MIB1: variants seen among roughly 807,000 people sequenced by gnomAD.
MIB1 encodes MIB E3 ubiquitin protein ligase 1, also known as E3 ubiquitin-protein ligase MIB1.
MIB1 carries 278 observed loss-of-function variants against 124.5 expected under a neutral mutation model. That is an observed-to-expected ratio of 2.23 (90% confidence interval 2.02 to 2.47). The LOEUF is 2.47. Among genes scored for constraint, MIB1 ranks in the 30% most tolerant of loss-of-function variants. The pLI is 0.00. For synonymous variants in MIB1, 446 were observed against 429.4 expected (o/e 1.04, Z -0.48); for missense variants, 957 against 1,254.4 (o/e 0.76, Z 3.58).
rs140502736 is a variant in MIB1 at position 21,795,737 on chromosome 18, C to G, written c.1093-2347C>G. ...AAAATTCCAAGTAATTTTTTAAACA[C>G]AGTTAATTTTTCTTTATATCTTCAT... is the stretch of plus-strand genomic sequence containing the variant. On this transcript the variant is annotated intron_variant, in intron 7 of 20. Coordinates refer to ENST00000261537, the MANE Select transcript of MIB1 (RefSeq NM_020774.4). 8.7e-3 allele frequency among the ~76,000 whole-genome samples: 1,330 copies of G among 152,160 alleles called. 11 individuals are homozygous for G. Among genetic ancestry groups the G allele is most frequent in the Non-Finnish European group, 0.014 (922 of 68,002 alleles).
intron 1 of MIB1, among the ~76,000 whole-genome samples, chr18:21,708,700 G>A (rs932373558): frequency 6.6e-6 from 1 of 152,130 alleles, no homozygotes; most frequent in Non-Finnish European, 1.5e-5. Context: ...ATTTATACAT[G>A]AGGAAATGAG....
rs1277651294 is a variant in MIB1 at position 21,854,011 on chromosome 18, TTAAAAAAAAAAA to T, written c.2665+794_2665+805del. ...CTAGGCAACAGACTGAGACTCAGTCTTAAAAAAAAAAAAAAAAAAAAAAAAATTCCAATAGGC... is the reference window on the plus strand; with the variant it reads ...CTAGGCAACAGACTGAGACTCAGTCTAAAAAAAAAAAAAATTCCAATAGGC... On this transcript the variant is annotated intron_variant, in intron 18 of 20. Transcript: ENST00000261537. Among the ~76,000 whole-genome samples, 5 of 42,346 alleles carry T rather than the reference TTAAAAAAAAAAA, an allele frequency of 1.2e-4. No homozygotes were observed. The East Asian group carries it at 4.2e-3, about 35-fold the overall frequency. 27.8% of individuals were successfully genotyped at this position (42,346 alleles called of 152,430 possible). A position where few individuals can be genotyped will look rare whatever the true frequency, so the allele number is the denominator to read the frequency against.
intron 1 of MIB1, among the ~76,000 whole-genome samples, chr18:21,731,627 G>T (rs904535697): frequency 4.6e-5 from 7 of 151,614 alleles, no homozygotes; most frequent in Non-Finnish European, 7.4e-5. Context: ...AGCTACTCGG[G>T]AGGCTGAGGC....
chr18:21,790,811 A>T (rs566599225), intron 6 of MIB1, among the ~76,000 whole-genome samples: 1 of 152,360 alleles, frequency 6.6e-6, no homozygotes, highest in African/African-American at 2.4e-5. Context: ...TTTTGAAAAC[A>T]TGCAGGGGAG....
At position 21,844,114 on chromosome 18, in the gene MIB1, A is replaced by C. The variant is rs766592260; in HGVS notation, c.2072A>C (p.Lys691Thr). The C allele has an allele frequency of 1.2e-6, 2 of 1,614,044 alleles. No homozygotes were observed. Among genetic ancestry groups the C allele is most frequent in the South Asian group, 2.2e-5 (2 of 91,070 alleles). Residue 691 changes from lysine to threonine, a missense_variant, in exon 15 of 21, where the codon AAG becomes ACG. Coordinates refer to ENST00000261537, the MANE Select transcript of MIB1 (RefSeq NM_020774.4). The part of the protein sequence containing the change: ...IVRLLVRAGA[K>T]LDIQDKDGDT... ...TAGCTTTTGGTCCGTGCAGGTGCCAAGCTTGATATTCAGGATAAGGATGGG... is the reference window on the plus strand; with the variant it reads ...TAGCTTTTGGTCCGTGCAGGTGCCACGCTTGATATTCAGGATAAGGATGGG...
chr18:21,706,912 G>A (rs577888427), intron 1 of MIB1, among the ~76,000 whole-genome samples: 40 of 152,266 alleles, frequency 2.6e-4, no homozygotes, highest in Non-Finnish European at 4.3e-4. Flanking sequence ...TGGGGCTGAC[G>A]GGGCAGTACT....
At chr18:21,839,527 C>G (rs1016342708) in intron 13 of MIB1, among the ~76,000 whole-genome samples, 3 of 152,148 alleles carry the variant, frequency 2.0e-5, no homozygotes, top group African/African-American at 7.2e-5. Context: ...GCTTTTGAGA[C>G]TGGGTCTCAC....
chr18:21,860,098 CTTTTTTT>C (rs398032096), intron 20 of MIB1, among the ~76,000 whole-genome samples: 305 of 26,460 alleles, frequency 0.012, 6 homozygotes, highest in Middle Eastern at 0.038. Context: ...TTCTTTATGT[CTTTTTTT>C]TTTTTTTTTT....
At chr18:21,820,925 A>C (rs1200087428) in intron 12 of MIB1, among the ~76,000 whole-genome samples, 1 of 152,238 alleles carries the variant, frequency 6.6e-6, no homozygotes, top group Admixed American at 6.5e-5. Context: ...CCTTTTCTGT[A>C]TTATGGTCTG....
intron 1 of MIB1, among the ~76,000 whole-genome samples, chr18:21,708,738 A>C (rs891272825): frequency 1.3e-5 from 2 of 152,190 alleles, no homozygotes; most frequent in African/African-American, 4.8e-5. Context: ...TCATTCATTC[A>C]ATCAGTGTCT....
intron 1 of MIB1, among the ~76,000 whole-genome samples, chr18:21,717,829 CAG>C (rs1381375055): frequency 1.3e-5 from 2 of 152,168 alleles, no homozygotes; most frequent in Non-Finnish European, 2.9e-5. Context: ...CTATGGAAAA[CAG>C]TGTGGAGATT....
intron 13 of MIB1, among the ~76,000 whole-genome samples, chr18:21,842,163 A>C (rs1040824930): frequency 6.6e-6 from 1 of 151,634 alleles, no homozygotes; most frequent in Non-Finnish European, 1.5e-5. Flanking sequence ...CACACTTCAA[A>C]GAAACATAAT....
At chr18:21,723,820 G>GT (rs1043174170) in intron 1 of MIB1, among the ~76,000 whole-genome samples, 15 of 150,952 alleles carry the variant, frequency 9.9e-5, no homozygotes, top group South Asian at 4.2e-4. Flanking sequence ...GGCTATAATT[G>GT]TTTTTTTATA....
chr18:21,847,989 T>G (rs1382533479), intron 16 of MIB1, among the ~76,000 whole-genome samples: 1 of 152,230 alleles, frequency 6.6e-6, no homozygotes, highest in Non-Finnish European at 1.5e-5. Flanking sequence ...CACTGAAATT[T>G]CAGTAGCTGT....
Position 21,773,656 on chromosome 18 carries a change from C to T in MIB1, c.564C>T (p.Ser188=), listed in dbSNP as rs753055043. 1.2e-6 allele frequency: 2 copies of T among 1,609,502 alleles called. No homozygotes were observed. Among genetic ancestry groups the T allele is most frequent in the South Asian group, 2.2e-5 (2 of 89,996 alleles). ...AAATCCAGGACTGGAGTGCATCAAG[C>T]CCACATAGCGCAGCATATGTCCTCT... is the stretch of plus-strand genomic sequence containing the variant. The part of the protein sequence containing the change: ...VTEIQDWSAS[S]PHSAAYVLWD... The change falls in exon 4 of 21, where the codon AGC becomes AGT. Residue 188 remains serine, a synonymous_variant. Transcript: ENST00000261537.
At chr18:21,721,654 A>G (rs2040716477) in intron 1 of MIB1, among the ~76,000 whole-genome samples, 1 of 152,208 alleles carries the variant, frequency 6.6e-6, no homozygotes, top group Admixed American at 6.5e-5. Context: ...TTGTGTATGT[A>G]TGACATTATT....
At chr18:21,721,078 G>T (rs1321976689) in intron 1 of MIB1, among the ~76,000 whole-genome samples, 2 of 133,892 alleles carry the variant, frequency 1.5e-5, no homozygotes, top group African/African-American at 2.7e-5. Context: ...TTCTAAATTT[G>T]TATATATTAG....
At chr18:21,815,087 AAAT>A (rs1345595801) in intron 10 of MIB1, among the ~76,000 whole-genome samples, 2 of 140,690 alleles carry the variant, frequency 1.4e-5, no homozygotes, top group African/African-American at 5.3e-5. Context: ...ATATATAAAT[AAAT>A]AAATACATAT....
intron 18 of MIB1, among the ~76,000 whole-genome samples, chr18:21,853,808 CTG>C (rs2042201907): frequency 6.6e-6 from 1 of 152,030 alleles, no homozygotes; most frequent in African/African-American, 2.4e-5. Context: ...AGTTCATACA[CTG>C]TTAAATATTC....
Sources: allele counts gnomAD v4.1 joint callset (sites outside exome capture counted in the v4.1 genomes callset), GRCh38; gene constraint gnomAD v4.1.1; transcripts MANE v1.5; gene names NCBI Gene and HGNC (gene_info 2026-07-23, HGNC 2026-07-21).